MACROD2: variants seen among roughly 807,000 people sequenced by gnomAD.
MACROD2 encodes mono-ADP ribosylhydrolase 2, also known as ADP-ribose glycohydrolase MACROD2.
MACROD2 carries 36 observed loss-of-function variants against 70.4 expected under a neutral mutation model. The ratio of observed to expected loss-of-function variants is 0.51; its 90% CI spans 0.39 to 0.68. The LOEUF (loss-of-function observed/expected upper bound fraction) is 0.68. Ranked by LOEUF, MACROD2 falls within the 30% of genes least tolerant of loss-of-function variation. MACROD2 has a pLI of 0.00. For missense variants in MACROD2, 496 were observed against 538.4 expected (o/e 0.92, Z 0.78); for synonymous variants, 172 against 178.8 (o/e 0.96, Z 0.30).
At chr20:15,581,657 T>A (rs986168763) in intron 8 of MACROD2, among the ~76,000 whole-genome samples, 2 of 152,154 alleles carry the variant, frequency 1.3e-5, no homozygotes, top group Non-Finnish European at 2.9e-5. Context: ...GGAGCGTCCC[T>A]GAGGAGCTGA....
chr20:14,578,073 T>G (rs1047654715), intron 4 of MACROD2, among the ~76,000 whole-genome samples: 5 of 151,758 alleles, frequency 3.3e-5, no homozygotes, highest in African/African-American at 7.3e-5. Context: ...TTCTTACAAT[T>G]TTACATAGTC....
intron 5 of MACROD2, among the ~76,000 whole-genome samples, chr20:14,922,456 T>A (rs1403967361): frequency 6.6e-6 from 1 of 152,198 alleles, no homozygotes; most frequent in Non-Finnish European, 1.5e-5. Context: ...AAGTTTGCTT[T>A]TATATTCCAA....
intron 15 of MACROD2, among the ~76,000 whole-genome samples, chr20:15,999,735 T>C (rs1253771837): frequency 6.6e-6 from 1 of 152,234 alleles, no homozygotes; most frequent in Non-Finnish European, 1.5e-5. Context: ...TTTTCTAGTC[T>C]CTTGTGACTA....
At chr20:14,851,947 G>A (rs541792311) in intron 5 of MACROD2, among the ~76,000 whole-genome samples, 1 of 152,266 alleles carries the variant, frequency 6.6e-6, no homozygotes, top group East Asian at 1.9e-4. Context: ...AGAGAAGGTG[G>A]CATGGTAATG....
At chr20:14,455,801 C>G (rs1223244606) in intron 3 of MACROD2, among the ~76,000 whole-genome samples, 1 of 151,658 alleles carries the variant, frequency 6.6e-6, no homozygotes. Flanking sequence ...CTTAATCTTG[C>G]TGAGTGATAA....
intron 8 of MACROD2, among the ~76,000 whole-genome samples, chr20:15,775,831 A>C (rs2051712465): frequency 6.6e-6 from 1 of 152,160 alleles, no homozygotes; most frequent in African/African-American, 2.4e-5. Context: ...TTGGAATGCC[A>C]AAGTAAGAAT....
intron 8 of MACROD2, among the ~76,000 whole-genome samples, chr20:15,521,170 A>G (rs1334289157): frequency 2.6e-5 from 4 of 152,202 alleles, no homozygotes; most frequent in African/African-American, 4.8e-5. Context: ...ATGAACTTGA[A>G]GCACGAGGTG....
rs78405520 is a variant in MACROD2, at chr20:15,756,232, A to G, written c.646-106513A>G. On this transcript the variant is annotated intron_variant, in intron 8 of 17. Coordinates refer to ENST00000684519, the MANE Select transcript of MACROD2 (RefSeq NM_001351661.2). ...CTATGAAGAGGCACTTGGTTGGCAG[A>G]GTGAAAACACAGAGTAACGAGATGC... 5.7e-3 allele frequency among the ~76,000 whole-genome samples: 873 copies of G among 152,338 alleles called. 11 individuals are homozygous for G. The highest frequency in any genetic ancestry group is 0.02 in the African/African-American group (845 of 41,576).
At chr20:15,854,483 CTCT>C (rs2064335706) in intron 8 of MACROD2, among the ~76,000 whole-genome samples, 2 of 152,120 alleles carry the variant, frequency 1.3e-5, no homozygotes, top group Non-Finnish European at 2.9e-5. Context: ...GAGGTGAGGA[CTCT>C]AGTGCAACTA....
Position 14,879,499 on chromosome 20 carries a change from AT to A in MACROD2, c.418+194541del, listed in dbSNP as rs1279817659. Among the ~76,000 whole-genome samples the A allele has an allele frequency of 2.6e-5, 4 of 152,320 alleles. No homozygotes were observed. In the East Asian group the frequency reaches 5.8e-4, roughly 22 times the overall value. On this transcript the variant is annotated intron_variant, in intron 5 of 17. Transcript: ENST00000684519. Reference sequence around the variant, plus strand: ...TTTTTCCAGTTAGATTATGGAAGAGATAAACAATGACTCAGAGGAAAATGGA... The same window carrying A: ...TTTTTCCAGTTAGATTATGGAAGAGAAAACAATGACTCAGAGGAAAATGGA...
At chr20:14,518,061 T>C (rs1259589470) in intron 4 of MACROD2, among the ~76,000 whole-genome samples, 1 of 152,154 alleles carries the variant, frequency 6.6e-6, no homozygotes, top group African/African-American at 2.4e-5. Context: ...AACATTGACG[T>C]TGTAATTCTA....
intron 8 of MACROD2, among the ~76,000 whole-genome samples, chr20:15,835,118 T>C (rs933167180): frequency 2.6e-5 from 4 of 152,222 alleles, no homozygotes; most frequent in African/African-American, 9.6e-5. Context: ...TTCTCAGCCA[T>C]GTGAATACCA....
At chr20:14,557,669 A>G (rs1600382833) in intron 4 of MACROD2, among the ~76,000 whole-genome samples, 1 of 151,814 alleles carries the variant, frequency 6.6e-6, no homozygotes, top group Non-Finnish European at 1.5e-5. Context: ...CAAAACCACA[A>G]TGAGAAGCCA....
intron 9 of MACROD2, among the ~76,000 whole-genome samples, chr20:15,880,187 A>G (rs143873857): frequency 6.6e-6 from 1 of 152,206 alleles, no homozygotes; most frequent in Non-Finnish European, 1.5e-5. Context: ...CTTGACACAT[A>G]AAATTAACCA....
chr20:15,466,789 T>C (rs1365271388), intron 7 of MACROD2, among the ~76,000 whole-genome samples: 2 of 152,210 alleles, frequency 1.3e-5, no homozygotes, highest in Non-Finnish European at 2.9e-5. Context: ...TCCAAAATTA[T>C]TTTTGTCCTC....
chr20:14,822,916 T>G (rs2050477765), intron 5 of MACROD2, among the ~76,000 whole-genome samples: 2 of 152,236 alleles, frequency 1.3e-5, no homozygotes, highest in Middle Eastern at 3.4e-3. Flanking sequence ...TGCTGTCATT[T>G]GATTACATTT....
intron 5 of MACROD2, among the ~76,000 whole-genome samples, chr20:14,832,783 C>A (rs2072986406): frequency 6.6e-6 from 1 of 152,112 alleles, no homozygotes; most frequent in African/African-American, 2.4e-5. Context: ...AAGCAGTTTA[C>A]TTGACTTGTT....
intron 3 of MACROD2, among the ~76,000 whole-genome samples, chr20:14,413,873 G>A (rs1188784807): frequency 2.1e-5 from 3 of 141,908 alleles, no homozygotes; most frequent in Non-Finnish European, 4.6e-5. Flanking sequence ...TGCTCTTGGT[G>A]TGAATGCAAC....
intron 5 of MACROD2, among the ~76,000 whole-genome samples, chr20:15,204,627 A>G (rs1278091040): frequency 2.0e-5 from 3 of 152,192 alleles, no homozygotes; most frequent in East Asian, 1.9e-4. Flanking sequence ...GATGAAATGA[A>G]TACTGTCCAA....
Sources: gnomAD v4.1 joint callset for allele counts (sites outside exome capture counted in the v4.1 genomes callset) on GRCh38, gnomAD v4.1.1 for gene constraint, MANE v1.5 for transcripts, NCBI Gene and HGNC (gene_info 2026-07-23, HGNC 2026-07-21) for gene names.